The following RNF169 variants were observed in gnomAD, a reference collection of about 807,000 sequenced individuals.
RNF169 encodes E3 ubiquitin-protein ligase RNF169.
A neutral mutation model predicts 53.9 loss-of-function variants in RNF169; 24 were observed. The observed-to-expected ratio is 0.45, with a 90% CI of 0.32 to 0.63. RNF169 has a LOEUF of 0.63. Among genes scored for constraint, RNF169 ranks in the 20% least tolerant of loss-of-function variants. The pLI, the probability that RNF169 is intolerant of heterozygous loss-of-function variation, is 0.04. For missense variants in RNF169, 883 were observed against 906.2 expected (o/e 0.97, Z 0.33); for synonymous variants, 396 against 363.5 (o/e 1.09, Z -1.02).
intron 1 of RNF169, among the ~76,000 whole-genome samples, chr11:74,769,031 A>G (rs993071071): frequency 2.0e-5 from 3 of 152,104 alleles, no homozygotes; most frequent in African/African-American, 7.2e-5. Context: ...ACCCTGCCTC[A>G]AAAGAAACAA....
At chr11:74,809,565 A>G in intron 2 of RNF169, among the ~76,000 whole-genome samples, 1 of 152,178 alleles carries the variant, frequency 6.6e-6, no homozygotes, top group East Asian at 1.9e-4. Flanking sequence ...TCATGCCTGT[A>G]ATCCAGCACT....
At chr11:74,825,367 G>C (rs1306806587) in intron 4 of RNF169, among the ~76,000 whole-genome samples, 2 of 152,288 alleles carry the variant, frequency 1.3e-5, no homozygotes, top group East Asian at 3.9e-4. Context: ...CAAAGAAGAA[G>C]TCACAAGAGA....
chr11:74,758,740 G>A (rs890863717), intron 1 of RNF169, among the ~76,000 whole-genome samples: 4 of 152,112 alleles, frequency 2.6e-5, no homozygotes, highest in South Asian at 2.1e-4. Context: ...TCCTGACCTC[G>A]TGATCCGCCC....
chr11:74,779,852 TG>T (rs1451318931), intron 1 of RNF169, among the ~76,000 whole-genome samples: 4 of 152,312 alleles, frequency 2.6e-5, no homozygotes, highest in Non-Finnish European at 5.9e-5. Flanking sequence ...TAAATTTGAT[TG>T]GCTGCTTTTT....
chr11:74,763,041 A>G (rs1016002914), intron 1 of RNF169, among the ~76,000 whole-genome samples: 2 of 152,208 alleles, frequency 1.3e-5, no homozygotes, highest in African/African-American at 2.4e-5. Flanking sequence ...AATCTTCCCT[A>G]TTACACAAGG....
rs1298107802 is a variant in RNF169 at position 74,825,574 on chromosome 11, T to C, written c.842+7860T>C. Among the ~76,000 whole-genome samples the C allele has an allele frequency of 2.6e-5, 4 of 152,140 alleles. No homozygotes were observed. The East Asian group carries it at 7.7e-4, about 29-fold the overall frequency. On this transcript the variant is annotated intron_variant, in intron 4 of 5. Coordinates refer to ENST00000299563, the MANE Select transcript of RNF169 (RefSeq NM_001098638.2). ...CAGCTGAATTCTACCACAGGGACGA[T>C]GATGAGTTGGTGCCATTTCTACAGA...
intron 2 of RNF169, among the ~76,000 whole-genome samples, chr11:74,790,320 C>T (rs1050382752): frequency 6.6e-6 from 1 of 152,220 alleles, no homozygotes; most frequent in Non-Finnish European, 1.5e-5. Context: ...TCTCCCTGCA[C>T]CATCATTCCT....
intron 1 of RNF169, among the ~76,000 whole-genome samples, chr11:74,779,411 T>A (rs771219238): frequency 2.0e-5 from 3 of 152,202 alleles, no homozygotes; most frequent in Non-Finnish European, 4.4e-5. Flanking sequence ...TTCAACTTTC[T>A]TTCTGTGTAT....
chr11:74,829,014 G>A (rs879682492), intron 4 of RNF169, among the ~76,000 whole-genome samples: 2 of 152,204 alleles, frequency 1.3e-5, no homozygotes, highest in Admixed American at 6.5e-5. Flanking sequence ...AAACTAAAGA[G>A]CTTCTGCACA....
intron 1 of RNF169, among the ~76,000 whole-genome samples, chr11:74,758,739 C>T (rs545242304): frequency 2.2e-4 from 33 of 152,244 alleles, no homozygotes; most frequent in Middle Eastern, 6.8e-3. Context: ...CTCCTGACCT[C>T]GTGATCCGCC....
At chr11:74,809,166 T>C (rs567672057) in intron 2 of RNF169, among the ~76,000 whole-genome samples, 1 of 152,270 alleles carries the variant, frequency 6.6e-6, no homozygotes. Context: ...ATCAAAAATA[T>C]CCATTTGTTC....
rs568898878 is a variant in RNF169, at chr11:74,836,329, G to T, written c.1726G>T (p.Val576Leu). 5.9e-5 allele frequency: 95 copies of T among 1,614,178 alleles called. 2 individuals are homozygous for T. The South Asian group carries it at 9.8e-4, about 17-fold the overall frequency. ...RAMKITTVNS[V>L]LPQNSVLGGV... ...CATGAAAATCACCACAGTTAATTCA[G>T]TGCTACCCCAAAACAGTGTTTTGGG... Residue 576 changes from valine (V) to leucine (L), a missense_variant, in exon 6 of 6, where the codon GTG becomes TTG. Physicochemically the swap from Val to Leu is conservative, Grantham distance 32. Transcript: ENST00000299563.
chr11:74,789,930 A>G (rs1018303398), intron 2 of RNF169, among the ~76,000 whole-genome samples: 50 of 152,350 alleles, frequency 3.3e-4, no homozygotes, highest in African/African-American at 1.2e-3. Flanking sequence ...TAGTTCACAG[A>G]GCCTGTCACA....
chr11:74,794,997 G>C (rs754457943), intron 2 of RNF169, among the ~76,000 whole-genome samples: 7 of 151,960 alleles, frequency 4.6e-5, no homozygotes, highest in African/African-American at 1.7e-4. Flanking sequence ...TAGAGATGAG[G>C]GTCTTGCTGT....
intron 3 of RNF169, among the ~76,000 whole-genome samples, chr11:74,814,304 TG>T (rs2035914421): frequency 6.6e-6 from 1 of 151,022 alleles, no homozygotes; most frequent in Non-Finnish European, 1.5e-5. Flanking sequence ...TACTCCAGCC[TG>T]GGTGACAGAG....
At chr11:74,826,143 T>C (rs1382211677) in intron 4 of RNF169, among the ~76,000 whole-genome samples, 2 of 152,094 alleles carry the variant, frequency 1.3e-5, no homozygotes, top group Admixed American at 1.3e-4. Flanking sequence ...CTGGCCAACA[T>C]AGTGAAACCC....
intron 4 of RNF169, among the ~76,000 whole-genome samples, chr11:74,821,276 T>A (rs1183466077): frequency 6.6e-6 from 1 of 152,222 alleles, no homozygotes; most frequent in Non-Finnish European, 1.5e-5. Flanking sequence ...CAGTTATTTC[T>A]CATTTAAGAG....
intron 3 of RNF169, among the ~76,000 whole-genome samples, chr11:74,811,598 G>A (rs887269275): frequency 6.6e-6 from 1 of 152,120 alleles, no homozygotes; most frequent in African/African-American, 2.4e-5. Flanking sequence ...GCTTTCTTGG[G>A]ACAGTAGTGT....
intron 1 of RNF169, among the ~76,000 whole-genome samples, chr11:74,766,309 A>T (rs1261416834): frequency 6.6e-6 from 1 of 152,234 alleles, no homozygotes; most frequent in Non-Finnish European, 1.5e-5. Context: ...AAACTGTGGG[A>T]CAAATGGCCT....
Sources: allele counts gnomAD v4.1 joint callset (sites outside exome capture counted in the v4.1 genomes callset), GRCh38; gene constraint gnomAD v4.1.1; transcripts MANE v1.5; gene names NCBI Gene and HGNC (gene_info 2026-07-23, HGNC 2026-07-21).